Variants in PLXNA4 observed in about 807,000 individuals in gnomAD.
The protein encoded by PLXNA4 is plexin A4.
In PLXNA4, 44 loss-of-function variants were observed where a neutral mutation model predicts 191.8. The observed-to-expected ratio is 0.23, with a 90% CI of 0.18 to 0.29. The LOEUF is 0.29. Ranked by LOEUF, PLXNA4 falls within the 10% of genes least tolerant of loss-of-function variation. PLXNA4 has a pLI of 1.00. For synonymous variants in PLXNA4, 1,082 were observed against 1,009.5 expected (o/e 1.07, Z -1.36); for missense variants, 1,800 against 2,488.8 (o/e 0.72, Z 5.89).
chr7:132,591,755 T>G (rs533274654), intron 2 of PLXNA4, among the ~76,000 whole-genome samples: 1 of 152,124 alleles, frequency 6.6e-6, no homozygotes, highest in Non-Finnish European at 1.5e-5. Context: ...TCAGATGCAT[T>G]AGTGTTGCCA....
chr7:132,251,081 A>G (rs1233041503), intron 4 of PLXNA4, among the ~76,000 whole-genome samples: 2 of 138,040 alleles, frequency 1.4e-5, no homozygotes, highest in South Asian at 2.2e-4. Flanking sequence ...CTCTGTGTAC[A>G]TTGGGTATTT....
At chr7:132,582,033 G>T (rs1164966631), upstream of PLXNA4, among the ~76,000 whole-genome samples, 2 of 152,226 alleles carry the variant, frequency 1.3e-5, no homozygotes, top group African/African-American at 4.8e-5. Flanking sequence ...TCTGGCCAGA[G>T]CCATGTCTTG....
rs1033420929 is a variant in PLXNA4 at position 132,123,598 on chromosome 7, C to G, written c.*6881G>C. On this transcript the variant is annotated 3_prime_UTR_variant, in exon 32 of 32. Transcript: ENST00000321063. Reference sequence around the variant, plus strand: ...CTTTAAAAATCAAAACCAGAAGACCCTCTTCTTAGAGATCTCATCCACATA... The same window carrying G: ...CTTTAAAAATCAAAACCAGAAGACCGTCTTCTTAGAGATCTCATCCACATA... 6.6e-6 allele frequency: 1 copy of G among 152,038 alleles called. No homozygotes were observed. The highest frequency in any genetic ancestry group is 6.5e-5 in the Admixed American group (1 of 15,268). The allele number at this position is 152,038 out of a possible 1,614,324, so 9.4% of individuals were successfully genotyped here.
In PLXNA4 at chr7:132,185,212, G is replaced by T. The variant is rs1036689424; in HGVS notation, c.3158+87C>A. 17 of 1,496,738 alleles carry T rather than the reference G, an allele frequency of 1.1e-5. No homozygotes were observed. The Admixed American group carries it at 1.9e-4, about 17-fold the overall frequency. 92.7% of individuals were successfully genotyped at this position (1,496,738 alleles called of 1,614,324 possible). A position where few individuals can be genotyped will look rare whatever the true frequency, so the allele number is the denominator to read the frequency against. On this transcript the variant is annotated intron_variant, in intron 16 of 31. Transcript: ENST00000321063. ...TCATCCATCCCCCAAGCAGGACTGGGCCCCCAGAACTCTCCTTGGCTTTCA... is the reference window on the plus strand; with the variant it reads ...TCATCCATCCCCCAAGCAGGACTGGTCCCCCAGAACTCTCCTTGGCTTTCA...
At chr7:132,178,705 CAT>C (rs1303850397) in intron 20 of PLXNA4, among the ~76,000 whole-genome samples, 1 of 86,358 alleles carries the variant, frequency 1.2e-5, no homozygotes, top group Non-Finnish European at 2.0e-5. Context: ...AACACATACA[CAT>C]ACACATACAC....
intron 3 of PLXNA4, among the ~76,000 whole-genome samples, chr7:132,313,838 G>T (rs1447351108): frequency 1.3e-5 from 2 of 152,070 alleles, no homozygotes. Context: ...TGGCAGGCTG[G>T]CCCTCCTACC....
intron 3 of PLXNA4, among the ~76,000 whole-genome samples, chr7:132,340,280 A>G (rs1464323581): frequency 1.3e-5 from 2 of 152,204 alleles, no homozygotes; most frequent in African/African-American, 4.8e-5. Flanking sequence ...ATTAAAGTTT[A>G]AGACTGGATA....
At chr7:132,435,401 C>A (rs144334046) in intron 3 of PLXNA4, among the ~76,000 whole-genome samples, 3 of 152,178 alleles carry the variant, frequency 2.0e-5, no homozygotes, top group East Asian at 1.9e-4. Context: ...CTGTTCTAAT[C>A]GGCCCCGTGG....
At chr7:132,289,831 CTAAT>C (rs1446760738) in intron 4 of PLXNA4, among the ~76,000 whole-genome samples, 1 of 147,142 alleles carries the variant, frequency 6.8e-6, no homozygotes, top group Non-Finnish European at 1.5e-5. Flanking sequence ...CAGTGCCCAG[CTAAT>C]TAATTTTTTT....
Position 132,145,233 on chromosome 7 carries a change from T to G in PLXNA4, c.5111A>C (p.His1704Pro). The change falls in exon 29 of 32, where the codon CAC becomes CCC. Residue 1704 changes from histidine to proline, a missense_variant. His to Pro is a moderately conservative substitution (Grantham distance 77). Around this residue, in one of 6 missense-constraint regions of PLXNA4, gnomAD observed 101 missense variants for 182.8 expected, o/e 0.55. Transcript: ENST00000321063. ...GGCCAGGGGCAGGGCAGAGCCACGGTGTGCCGTGCTGAAGATGGTCTCAAA... is the reference window on the plus strand; with the variant it reads ...GGCCAGGGGCAGGGCAGAGCCACGGGGTGCCGTGCTGAAGATGGTCTCAAA... ...DLFETIFSTA[H>P]RGSALPLAIK... 6.2e-7 allele frequency: 1 copy of G among 1,614,220 alleles called. No homozygotes were observed. The highest frequency in any genetic ancestry group is 1.7e-5 in the Admixed American group (1 of 60,030).
At chr7:132,224,275 G>A (rs1468611076) in intron 8 of PLXNA4, among the ~76,000 whole-genome samples, 3 of 152,130 alleles carry the variant, frequency 2.0e-5, no homozygotes, top group Admixed American at 6.6e-5. Flanking sequence ...ACGCAGGTTT[G>A]TTGCTTTGGC....
chr7:132,459,397 T>C (rs1474733275), intron 3 of PLXNA4, among the ~76,000 whole-genome samples: 1 of 152,182 alleles, frequency 6.6e-6, no homozygotes, highest in Admixed American at 6.5e-5. Context: ...TCATAATCTG[T>C]CATTCAAGAG....
At chr7:132,327,857 T>C (rs919640043) in intron 3 of PLXNA4, among the ~76,000 whole-genome samples, 9 of 152,230 alleles carry the variant, frequency 5.9e-5, no homozygotes, top group Middle Eastern at 3.4e-3. Context: ...CAGCAAGTCC[T>C]CCCTCCACCA....
intron 2 of PLXNA4, among the ~76,000 whole-genome samples, chr7:132,643,950 TA>T (rs997693510): frequency 2.0e-5 from 3 of 151,210 alleles, no homozygotes; most frequent in Non-Finnish European, 4.4e-5. Context: ...CCCTGTCTCT[TA>T]AAAAAAAAGA....
intron 3 of PLXNA4, among the ~76,000 whole-genome samples, chr7:132,375,438 C>T (rs1222665050): frequency 1.3e-5 from 2 of 152,208 alleles, no homozygotes; most frequent in African/African-American, 4.8e-5. Context: ...GCCCCAGTTC[C>T]ACTCATCAAA....
chr7:132,384,229 G>T (rs80190751), intron 3 of PLXNA4: 14,441 of 985,376 alleles, frequency 0.015, 137 homozygotes, highest in Non-Finnish European at 0.016. Context: ...TTAGTGTGGT[G>T]GTTCTTAGCA....
At chr7:132,169,151 A>G (rs1414233793) in intron 21 of PLXNA4, among the ~76,000 whole-genome samples, 1 of 152,200 alleles carries the variant, frequency 6.6e-6, no homozygotes, top group Non-Finnish European at 1.5e-5. Context: ...TATCCACATG[A>G]TAAAAAGGGA....
At chr7:132,298,717 A>G (rs928507201) in intron 3 of PLXNA4, among the ~76,000 whole-genome samples, 30 of 152,266 alleles carry the variant, frequency 2.0e-4, no homozygotes, top group Admixed American at 5.9e-4. Context: ...GCCAACCCCA[A>G]AGGTTTCACA....
In PLXNA4 at chr7:132,376,398, C is replaced by T. The variant is rs542763765; in HGVS notation, c.1372-78176G>A. Among the ~76,000 whole-genome samples the T allele has an allele frequency of 1.7e-4, 26 of 152,274 alleles. 1 individual carries two copies. The South Asian group carries it at 5.4e-3, about 32-fold the overall frequency. On this transcript the variant is annotated intron_variant, in intron 3 of 31. Transcript: ENST00000321063. ...CTGGGGTTCCTGTGCCCACTGCATCCCAATTAAGTATCTGTTTCTCCTCAT... is the reference window on the plus strand; with the variant it reads ...CTGGGGTTCCTGTGCCCACTGCATCTCAATTAAGTATCTGTTTCTCCTCAT...
Sources: allele counts gnomAD v4.1 joint callset (sites outside exome capture counted in the v4.1 genomes callset), GRCh38; gene constraint gnomAD v4.1.1; regional missense constraint gnomAD v4.1.1; transcripts MANE v1.5; gene names NCBI Gene and HGNC (gene_info 2026-07-23, HGNC 2026-07-21).